GPR21: variants seen among roughly 807,000 people sequenced by gnomAD.
The protein encoded by GPR21 is G protein-coupled receptor 21.
Under a neutral mutation model 21.5 loss-of-function variants are expected in GPR21, and 9 were observed. That is an observed-to-expected ratio of 0.42 (90% CI 0.25 to 0.73). The LOEUF is 0.73. GPR21 is among the 30% of genes least tolerant of loss of function. The probability of loss-of-function intolerance (pLI) is 0.27; values close to 1 mark genes in which losing one functional copy is unlikely to be tolerated. For synonymous variants in GPR21, 169 were observed against 159.3 expected (o/e 1.06, Z -0.46); for missense variants, 416 against 428.9 (o/e 0.97, Z 0.27).
chr9:123,036,491 A>G (rs1383267501), downstream of GPR21, among the ~76,000 whole-genome samples: 1 of 152,244 alleles, frequency 6.6e-6, no homozygotes, highest in East Asian at 1.9e-4. Flanking sequence ...TATAATGGTG[A>G]CTATATACAA....
the GPR21 span, among the ~76,000 whole-genome samples, chr9:123,047,919 GTTTTTTTTTTTTTTTTTTTTTT>G: frequency 6.4e-4 from 40 of 62,282 alleles, no homozygotes; most frequent in South Asian, 1.3e-3. Context: ...CAGCTGCTGG[GTTTTTTTTTTTTTTTTTTTTTT>G]TTTTTTTTTT....
the GPR21 span, among the ~76,000 whole-genome samples, chr9:123,046,197 A>G: frequency 3.8e-3 from 575 of 152,356 alleles, 5 homozygotes; most frequent in African/African-American, 0.013. Context: ...TACACATACA[A>G]TACTTGGATG....
downstream of GPR21, among the ~76,000 whole-genome samples, chr9:123,040,611 G>T (rs974329425): frequency 6.6e-6 from 1 of 151,904 alleles, no homozygotes; most frequent in African/African-American, 2.4e-5. Flanking sequence ...TCTCTTTAAG[G>T]TGCTTTTTAT....
chr9:123,034,993 C>G lies in GPR21; in HGVS notation c.427C>G (p.Pro143Ala). Residue 143 changes from proline to alanine, a missense_variant, in exon 2 of 2, where the codon CCC becomes GCC. Pro to Ala is a conservative substitution (Grantham distance 27). Coordinates refer to ENST00000616002, the MANE Select transcript of GPR21 (RefSeq NM_005294.3). ...TTTAACCTATAATACTCTGGTTACA[C>G]CCTGGAGACTACGCCTGTGTATTTT... ...KPLTYNTLVTPWRLRLCIFLI... is the reference protein window; with the variant it reads ...KPLTYNTLVTAWRLRLCIFLI... 6.2e-7 allele frequency: 1 copy of G among 1,613,558 alleles called. No individual in the cohort carries two copies. Among genetic ancestry groups the G allele is most frequent in the Non-Finnish European group, 8.5e-7 (1 of 1,179,502 alleles).
the GPR21 span, among the ~76,000 whole-genome samples, chr9:123,043,821 T>G: frequency 6.6e-6 from 1 of 151,926 alleles, no homozygotes; most frequent in Non-Finnish European, 1.5e-5. Flanking sequence ...CTCTAAGGAA[T>G]AGGGTATGAA....
In GPR21 at chr9:123,035,412, C is replaced by T. The variant is rs773579952; in HGVS notation, c.846C>T (p.Asn282=). 2 of 1,614,072 alleles carry T rather than the reference C, an allele frequency of 1.2e-6. No individual in the cohort carries two copies. The highest frequency in any genetic ancestry group is 2.2e-5 in the South Asian group (2 of 91,092). Residue 282 remains asparagine, a synonymous_variant, in exon 2 of 2, where the codon AAC becomes AAT. Transcript: ENST00000616002. ...FLLESSTGHS[N]RFASFLTTWL... ...TGGAAAGCTCCACTGGCCACAGCAACCGCTTCGCATCCTTCTTGACCACCT... is the reference window on the plus strand; with the variant it reads ...TGGAAAGCTCCACTGGCCACAGCAATCGCTTCGCATCCTTCTTGACCACCT...
chr9:123,042,165 T>C, the GPR21 span, among the ~76,000 whole-genome samples: 1 of 152,234 alleles, frequency 6.6e-6, no homozygotes. Flanking sequence ...CAGAATGTTC[T>C]AAGCAGGATA....
chr9:123,035,262 C>G lies in GPR21; in HGVS notation c.696C>G (p.Phe232Leu). Residue 232 changes from phenylalanine (F) to leucine (L), a missense_variant, in exon 2 of 2, where the codon TTC becomes TTG. Coordinates refer to ENST00000616002, the MANE Select transcript of GPR21 (RefSeq NM_005294.3). ...TKDISERQAR[F>L]SSQSGETGEV... ...ATATCAGCGAAAGGCAAGCCCGCTT[C>G]AGCAGCCAGAGTGGGGAGACTGGGG... is the stretch of plus-strand genomic sequence containing the variant. 6.2e-7 allele frequency: 1 copy of G among 1,614,172 alleles called. No homozygotes were observed. Among genetic ancestry groups the G allele is most frequent in the East Asian group, 2.2e-5 (1 of 44,884 alleles).
At position 123,035,371 on chromosome 9, in the gene GPR21, A is replaced by G. The variant is rs753478224; in HGVS notation, c.805A>G (p.Ile269Val). The G allele has an allele frequency of 2.5e-6, 4 of 1,614,018 alleles. No individual in the cohort carries two copies. The highest frequency in any genetic ancestry group is 3.4e-6 in the Non-Finnish European group (4 of 1,180,016). ...SVFYILWLPY[I>V]IYFLLESSTG... is the part of the protein sequence containing the mutation. Reference sequence around the variant, plus strand: ...ATTTTACATCCTCTGGTTGCCATATATCATCTACTTCTTGTTGGAAAGCTC... The same window carrying G: ...ATTTTACATCCTCTGGTTGCCATATGTCATCTACTTCTTGTTGGAAAGCTC... Residue 269 changes from isoleucine (I) to valine (V), a missense_variant, in exon 2 of 2, where the codon ATC becomes GTC. Coordinates refer to ENST00000616002, the MANE Select transcript of GPR21 (RefSeq NM_005294.3).
intron 1 of GPR21, 47 bp from the exon 2 acceptor site, chr9:123,034,116 TTGATTAGG>T (rs2032469514): frequency 6.0e-6 from 1 of 167,918 alleles, no homozygotes; most frequent in Non-Finnish European, 1.3e-5. Context: ...GCCAGGTTCT[TTGATTAGG>T]GCATTGGATG....
chr9:123,035,219 G>T lies in GPR21; in HGVS notation c.653G>T (p.Cys218Phe). 1 of 1,614,150 alleles carries T rather than the reference G, an allele frequency of 6.2e-7. No individual in the cohort carries two copies. The highest frequency in any genetic ancestry group is 8.5e-7 in the Non-Finnish European group (1 of 1,180,020). Residue 218 changes from cysteine (C) to phenylalanine (F), a missense_variant, in exon 2 of 2, where the codon TGC becomes TTC. Coordinates refer to ENST00000616002, the MANE Select transcript of GPR21 (RefSeq NM_005294.3). ...ACCTATTTCAACATCTTCCGCATCT[G>T]CCAACAGCACACAAAGGATATCAGC... ...CFTYFNIFRI[C>F]QQHTKDISER...
At chr9:123,037,273 T>G (rs1463279517), downstream of GPR21, among the ~76,000 whole-genome samples, 1 of 152,232 alleles carries the variant, frequency 6.6e-6, no homozygotes. Context: ...GACATCAACT[T>G]GATTTTAACC....
intron 1 of GPR21, among the ~76,000 whole-genome samples, 154 bp from the exon 2 acceptor site, chr9:123,034,017 A>G (rs1737534675): frequency 6.6e-6 from 1 of 152,152 alleles, no homozygotes; most frequent in African/African-American, 2.4e-5. Context: ...TATACAGTAC[A>G]GATCAGTTGT....
chr9:123,043,723 A>C, the GPR21 span, among the ~76,000 whole-genome samples: 1 of 151,962 alleles, frequency 6.6e-6, no homozygotes, highest in Non-Finnish European at 1.5e-5. Context: ...AAGTGGAAAA[A>C]CCCAGAAAAT....
chr9:123,038,063 A>G (rs758536800), downstream of GPR21, among the ~76,000 whole-genome samples: 4 of 152,150 alleles, frequency 2.6e-5, no homozygotes, highest in Admixed American at 6.5e-5. Context: ...CTGATGTTAT[A>G]TTTGTAAACT....
At chr9:123,036,868 T>A (rs750519756), downstream of GPR21, among the ~76,000 whole-genome samples, 37 of 152,192 alleles carry the variant, frequency 2.4e-4, no homozygotes, top group Non-Finnish European at 4.3e-4. Flanking sequence ...ATTTTATAAT[T>A]CTTCTATAGA....
downstream of GPR21, among the ~76,000 whole-genome samples, chr9:123,040,009 A>G (rs1289366372): frequency 1.3e-5 from 2 of 152,136 alleles, no homozygotes; most frequent in African/African-American, 4.8e-5. Context: ...GCTTTTAGGG[A>G]AAGTTTAAGC....
At chr9:123,047,965 T>C in the GPR21 span, among the ~76,000 whole-genome samples, 1 of 118,030 alleles carries the variant, frequency 8.5e-6, no homozygotes, top group Admixed American at 1.2e-4. Flanking sequence ...TGAGACGGAG[T>C]CTTGCTCTTG....
intron 1 of GPR21, 80 bp from the exon 2 acceptor site, chr9:123,034,091 T>C: frequency 6.0e-6 from 1 of 166,608 alleles, no homozygotes; most frequent in Non-Finnish European, 1.3e-5. Context: ...GGAGGGATGA[T>C]GCCAGCCTGA....
Sources: allele counts gnomAD v4.1 joint callset (sites outside exome capture counted in the v4.1 genomes callset), GRCh38; gene constraint gnomAD v4.1.1; transcripts MANE v1.5; gene names NCBI Gene and HGNC (gene_info 2026-07-23, HGNC 2026-07-21).